ACE: variants seen among roughly 807,000 people sequenced by gnomAD.
ACE encodes the protein angiotensin-converting enzyme.
A neutral mutation model predicts 162.3 loss-of-function variants in ACE; 122 were observed. The ratio of observed to expected loss-of-function variants is 0.75; its 90% confidence interval spans 0.65 to 0.87. The LOEUF is 0.87. Ranked by LOEUF, ACE falls within the 40% of genes least tolerant of loss-of-function variation. The pLI is 0.00. For synonymous variants in ACE, 796 were observed against 720.6 expected, an observed-to-expected ratio of 1.10 and a Z score of -1.68; for missense variants, 1,799 against 1,735.1, an observed-to-expected ratio of 1.04 and a Z score of -0.65.
chr17:63,484,997 C>T lies in ACE; in HGVS notation c.1922-239C>T, dbSNP rs2029866946. The T allele has an allele frequency of 6.2e-7, 1 of 1,610,230 alleles. No individual in the cohort carries two copies. Among genetic ancestry groups the T allele is most frequent in the Non-Finnish European group, 8.5e-7 (1 of 1,178,476 alleles). Reference sequence around the variant, plus strand: ...GACAGTCACCCATGGGACAAGCAGCCAGGCAACAACCAGCAGCCAGACAAC... The same window carrying T: ...GACAGTCACCCATGGGACAAGCAGCTAGGCAACAACCAGCAGCCAGACAAC... On this transcript the variant is annotated intron_variant, in intron 12 of 24. Transcript: ENST00000290866. The surrounding 1 kb of genome is among the most constrained non-coding windows in gnomAD (Gnocchi z 4.0).
intron 15 of ACE, 116 bp downstream of exon 15, chr17:63,487,189 C>T (rs2030013670): frequency 1.2e-6 from 1 of 850,774 alleles, no homozygotes; most frequent in Non-Finnish European, 2.0e-6. Flanking sequence ...TCAGCGTGCC[C>T]AGGAAATGCC....
chr17:63,488,539 C>G, intron 15 of ACE, 109 bp from the exon 16 acceptor site: 1 of 1,239,208 alleles, frequency 8.1e-7, no homozygotes, highest in Non-Finnish European at 1.2e-6. Context: ...TATACAGTCA[C>G]TTTTATGTGG....
rs2030391723 is a variant in ACE, at chr17:63,491,651, G to T, written c.2912+270G>T. ...CCAGTCCTGGGTTTGAGCATGGTAG[G>T]CTGCCCCGCGTCCCTCCTTGGGAGC... On this transcript the variant is annotated intron_variant, in intron 19 of 24. Coordinates refer to ENST00000290866, the MANE Select transcript of ACE (RefSeq NM_000789.4). This position sits in a 1 kb window ranked among gnomAD's most constrained non-coding sequence, Gnocchi z 4.4. 6.6e-6 allele frequency among the ~76,000 whole-genome samples: 1 copy of T among 152,156 alleles called. No individual in the cohort carries two copies. The highest frequency in any genetic ancestry group is 2.1e-4 in the South Asian group (1 of 4,834).
intron 3 of ACE, 26 bp downstream of exon 3, chr17:63,479,126 GGC>G: frequency 6.4e-7 from 1 of 1,574,096 alleles, no homozygotes; most frequent in Non-Finnish European, 8.7e-7. Flanking sequence ...CTCCCCTCTC[GGC>G]GGTGCCCTAG....
At chr17:63,486,823 A>G (rs1256280731) in intron 14 of ACE, 108 bp downstream of exon 14, 1 of 1,527,944 alleles carries the variant, frequency 6.5e-7, no homozygotes, top group Non-Finnish European at 9.0e-7. Context: ...GTATCAAGTC[A>G]TGGCATCTGC....
rs2029863985 is a variant in ACE at position 63,484,716 on chromosome 17, T to C, written c.1921+175T>C. 6.9e-7 allele frequency: 1 copy of C among 1,453,200 alleles called. No homozygotes were observed. The highest frequency in any genetic ancestry group is 9.0e-7 in the Non-Finnish European group (1 of 1,106,760). The allele number at this position is 1,453,200 out of a possible 1,614,324, so 90.0% of individuals were successfully genotyped here. A position where few individuals can be genotyped will look rare whatever the true frequency, so the allele number is the denominator to read the frequency against. On this transcript the variant is annotated intron_variant, in intron 12 of 24. Transcript: ENST00000290866. This position sits in a 1 kb window ranked among gnomAD's most constrained non-coding sequence, Gnocchi z 4.0. ...GCCTGCGAGTGGGGACAGGCATGTC[T>C]TTCCCCCAGCATCCTAGAGAGGGTG...
intron 9 of ACE, 30 bp from the exon 10 acceptor site, chr17:63,483,430 C>T (rs1175355676): frequency 1.9e-6 from 3 of 1,584,402 alleles, no homozygotes; most frequent in Admixed American, 1.7e-5. Flanking sequence ...AACCTCTAGG[C>T]CCTAAGACAA....
intron 6 of ACE, 71 bp downstream of exon 6, chr17:63,481,259 G>C (rs546593737): frequency 1.4e-6 from 2 of 1,412,022 alleles, no homozygotes; most frequent in East Asian, 4.6e-5. Context: ...GTCACAGATG[G>C]GCACAGGGGC....
intron 15 of ACE, 49 bp downstream of exon 15, chr17:63,487,122 A>G (rs749715846): frequency 3.2e-6 from 5 of 1,547,810 alleles, no homozygotes; most frequent in Non-Finnish European, 4.5e-6. Context: ...TGGGACTGGC[A>G]TGGGGCCCGG....
chr17:63,483,567 G>GCGGGGGGGGCGCCCCCCCCCCC lies in ACE; in HGVS notation c.1586+10_1586+11insGGGGGGGGCGCCCCCCCCCCCC. ...GTGACACCATACATCAGGTATTAGC[G>GCGGGGGGGGCGCCCCCCCCCCC]CCCCCACCCCACCCACCCCCAGTAC... is the stretch of plus-strand genomic sequence containing the variant. On this transcript the variant is annotated intron_variant, in intron 10 of 24. Transcript: ENST00000290866. 6.3e-7 allele frequency: 1 copy of GCGGGGGGGGCGCCCCCCCCCCC among 1,589,580 alleles called. No homozygotes were observed. Among genetic ancestry groups the GCGGGGGGGGCGCCCCCCCCCCC allele is most frequent in the Non-Finnish European group, 8.6e-7 (1 of 1,165,686 alleles).
intron 4 of ACE, 52 bp from the exon 5 acceptor site, chr17:63,480,285 C>T: frequency 1.3e-6 from 2 of 1,590,974 alleles, no homozygotes; most frequent in East Asian, 2.2e-5. Context: ...AGCTGAGAGG[C>T]TGAGGTCCGA....
Position 63,477,228 on chromosome 17 carries a change from G to T in ACE, c.134G>T (p.Gly45Val). The change falls in exon 1 of 25, where the codon GGG becomes GTG. Residue 45 changes from glycine to valine, a missense_variant. Physicochemically the swap from Gly to Val is moderately radical, Grantham distance 109. Transcript: ENST00000290866. ...QPGNFSADEA[G>V]AQLFAQSYNS... Reference sequence around the variant, plus strand: ...GGCAACTTTTCTGCTGACGAGGCCGGGGCGCAGCTCTTCGCGCAGAGCTAC... The same window carrying T: ...GGCAACTTTTCTGCTGACGAGGCCGTGGCGCAGCTCTTCGCGCAGAGCTAC... 1 of 1,502,146 alleles carries T rather than the reference G, an allele frequency of 6.7e-7. No individual in the cohort carries two copies. The highest frequency in any genetic ancestry group is 2.0e-5 in the Admixed American group (1 of 49,460). 93.1% of individuals were successfully genotyped at this position (1,502,146 alleles called of 1,614,324 possible).
rs1170017440 is a variant in ACE at position 63,483,088 on chromosome 17, G to T, written c.1402G>T (p.Gly468Cys). 2.5e-6 allele frequency: 4 copies of T among 1,614,018 alleles called. No individual in the cohort carries two copies. The highest frequency in any genetic ancestry group is 1.3e-5 in the African/African-American group (1 of 74,908). Reference sequence around the variant, plus strand: ...GGAAAAAATTGCCTTCCTGCCCTTTGGCTACTTGGTGGACCAGTGGCGCTG... The same window carrying T: ...GGAAAAAATTGCCTTCCTGCCCTTTTGCTACTTGGTGGACCAGTGGCGCTG... ...ALEKIAFLPF[G>C]YLVDQWRWGV... is the part of the protein sequence containing the mutation. The change falls in exon 9 of 25, where the codon GGC becomes TGC. Residue 468 changes from glycine (G) to cysteine (C), a missense_variant. Transcript: ENST00000290866.
rs2049633637 is a variant in ACE, at chr17:63,477,331, T to C, written c.237T>C (p.Asn79=). ...ACGACACCAACATCACCGCGGAGAA[T>C]GCAAGGCGCCAGGTGGGCGCCCGGG... ...WAHDTNITAE[N]ARRQEEAALL... The change falls in exon 1 of 25, where the codon AAT becomes AAC. Residue 79 remains asparagine (N), a synonymous_variant. Transcript: ENST00000290866. 7 of 1,277,614 alleles carry C rather than the reference T, an allele frequency of 5.5e-6. No individual in the cohort carries two copies. The highest frequency in any genetic ancestry group is 7.0e-6 in the Non-Finnish European group (7 of 995,746). 79.1% of individuals were successfully genotyped at this position (1,277,614 alleles called of 1,614,324 possible).
chr17:63,486,078 T>C (rs1482971395), intron 13 of ACE, among the ~76,000 whole-genome samples: 1 of 152,228 alleles, frequency 6.6e-6, no homozygotes, highest in Non-Finnish European at 1.5e-5. Flanking sequence ...CACTTCCTCT[T>C]TACCCTCATT....
intron 14 of ACE, 79 bp downstream of exon 14, chr17:63,486,794 C>G: frequency 6.4e-7 from 1 of 1,573,986 alleles, no homozygotes; most frequent in Non-Finnish European, 8.7e-7. Context: ...GGCCTTCACG[C>G]TGCTTCCTCT....
chr17:63,477,295 C>T lies in ACE; in HGVS notation c.201C>T (p.Ala67=). 6.9e-7 allele frequency: 1 copy of T among 1,445,122 alleles called. No individual in the cohort carries two copies. Among genetic ancestry groups the T allele is most frequent in the Non-Finnish European group, 9.1e-7 (1 of 1,093,644 alleles). 89.5% of individuals were successfully genotyped at this position (1,445,122 alleles called of 1,614,324 possible). Residue 67 remains alanine, a synonymous_variant, in exon 1 of 25, where the codon GCC becomes GCT. Transcript: ENST00000290866. ...AGGTGCTGTTCCAGAGCGTGGCCGC[C>T]AGCTGGGCGCACGACACCAACATCA... The part of the protein sequence containing the change: ...AEQVLFQSVA[A]SWAHDTNITA...
intron 3 of ACE, 34 bp downstream of exon 3, chr17:63,479,134 C>A: frequency 6.5e-7 from 1 of 1,532,552 alleles, no homozygotes; most frequent in Non-Finnish European, 8.9e-7. Context: ...TCGGCGGTGC[C>A]CTAGTGTTCC....
intron 14 of ACE, 55 bp downstream of exon 14, chr17:63,486,770 A>G: frequency 1.9e-6 from 3 of 1,609,944 alleles, no homozygotes; most frequent in Non-Finnish European, 2.5e-6. Flanking sequence ...TGAGCCCAAC[A>G]CAGGGTCTGG....
Sources: allele counts gnomAD v4.1 joint callset (sites outside exome capture counted in the v4.1 genomes callset), GRCh38; gene constraint gnomAD v4.1.1; non-coding constraint Gnocchi (gnomAD v3.1); transcripts MANE v1.5; gene names NCBI Gene and HGNC (gene_info 2026-07-23, HGNC 2026-07-21).